INVS: variants seen among roughly 807,000 people sequenced by gnomAD.
INVS encodes the protein inversin.
In INVS, 86 loss-of-function variants were observed where a neutral mutation model predicts 108.8. The observed-to-expected ratio is 0.79, with a 90% CI of 0.66 to 0.95. The LOEUF (loss-of-function observed/expected upper bound fraction) is 0.95, where lower values mean the gene tolerates loss of function less well. Among genes scored for constraint, INVS ranks in the 40% least tolerant of loss-of-function variants. INVS has a pLI of 0.00. For missense variants in INVS, 1,169 were observed against 1,297.4 expected (o/e 0.90, Z 1.52); for synonymous variants, 455 against 473.5 (o/e 0.96, Z 0.51).
Position 100,301,405 on chromosome 9 carries a change from AGGATTCT to A in INVS, c.*733_*739del, listed in dbSNP as rs1833966691. ...TACCAACAGCCGTATTACAGTATCA[AGGATTCT>A]GTCAGGTAGGGTTTACAGACCAGAC... On this transcript the variant is annotated 3_prime_UTR_variant, in exon 17 of 17. Coordinates refer to ENST00000262457, the MANE Select transcript of INVS (RefSeq NM_014425.5). Among the ~76,000 whole-genome samples, 1 of 152,212 alleles carries A rather than the reference AGGATTCT, an allele frequency of 6.6e-6. No individual in the cohort carries two copies. Among genetic ancestry groups the A allele is most frequent in the Admixed American group, 6.5e-5 (1 of 15,290 alleles).
At chr9:100,270,901 G>A (rs1205744425) in intron 11 of INVS, among the ~76,000 whole-genome samples, 2 of 150,700 alleles carry the variant, frequency 1.3e-5, no homozygotes, top group East Asian at 3.9e-4. Flanking sequence ...TCCAGCCTGG[G>A]CAACAGAGTG....
At chr9:100,214,343 G>A in intron 3 of INVS, among the ~76,000 whole-genome samples, 1 of 152,106 alleles carries the variant, frequency 6.6e-6, no homozygotes, top group East Asian at 1.9e-4. Context: ...GATTACAGGG[G>A]CCAAAAAGCA....
At chr9:100,107,593 T>C (rs187844887) in intron 2 of INVS, among the ~76,000 whole-genome samples, 22 of 152,290 alleles carry the variant, frequency 1.4e-4, no homozygotes, top group Middle Eastern at 6.8e-3. Flanking sequence ...TTCTCCCTAT[T>C]CTCTGTCTGA....
chr9:100,249,811 A>G (rs1415624564), intron 8 of INVS, among the ~76,000 whole-genome samples: 1 of 151,388 alleles, frequency 6.6e-6, no homozygotes. Flanking sequence ...ACTTTATTTA[A>G]AAATAACCTT....
At chr9:100,135,397 G>T (rs1217012287) in intron 3 of INVS, among the ~76,000 whole-genome samples, 5 of 152,168 alleles carry the variant, frequency 3.3e-5, no homozygotes, top group Admixed American at 3.3e-4. Flanking sequence ...AAACATAGAC[G>T]TCTGGGCCCC....
chr9:100,217,927 A>G (rs1313181437), intron 3 of INVS, among the ~76,000 whole-genome samples: 1 of 152,178 alleles, frequency 6.6e-6, no homozygotes, highest in African/African-American at 2.4e-5. Context: ...CGACCTATAT[A>G]CTTCCTAGGG....
At chr9:100,173,703 T>G (rs906407051) in intron 3 of INVS, among the ~76,000 whole-genome samples, 2 of 152,136 alleles carry the variant, frequency 1.3e-5, no homozygotes, top group Non-Finnish European at 2.9e-5. Flanking sequence ...CACTCCAGCC[T>G]GGGAGACAGA....
chr9:100,129,561 CA>C, intron 3 of INVS: 1 of 495,526 alleles, frequency 2.0e-6, no homozygotes, highest in Non-Finnish European at 3.7e-6. Context: ...AAGAAACCAA[CA>C]AGACACTTTC....
chr9:100,135,768 C>A lies in INVS; in HGVS notation c.273+9219C>A, dbSNP rs149914543. 4.4e-3 allele frequency among the ~76,000 whole-genome samples: 668 copies of A among 152,128 alleles called. 4 individuals are homozygous for A. The highest frequency in any genetic ancestry group is 0.015 in the African/African-American group (642 of 41,522). ...TAGTATGAATTGTGATAGTTTGCAT[C>A]TCCAAAGTAAGGTCTTGGCTGGAGT... On this transcript the variant is annotated intron_variant, in intron 3 of 16. Coordinates refer to ENST00000262457, the MANE Select transcript of INVS (RefSeq NM_014425.5).
At chr9:100,210,745 A>C (rs1164612461) in intron 3 of INVS, among the ~76,000 whole-genome samples, 1 of 152,174 alleles carries the variant, frequency 6.6e-6, no homozygotes, top group East Asian at 1.9e-4. Context: ...ATACAGAGTA[A>C]TTACATCAAA....
intron 3 of INVS, among the ~76,000 whole-genome samples, chr9:100,150,675 T>A (rs908204516): frequency 3.9e-5 from 6 of 152,196 alleles, no homozygotes; most frequent in Non-Finnish European, 4.4e-5. Flanking sequence ...TTCCTCTTCT[T>A]GTTTTTTCTC....
intron 7 of INVS, among the ~76,000 whole-genome samples, 168 bp from the exon 8 acceptor site, chr9:100,246,448 C>T (rs547621574): frequency 9.2e-5 from 14 of 152,008 alleles, no homozygotes; most frequent in Non-Finnish European, 7.4e-5. Context: ...TTGTTATCTT[C>T]GATGGAAATT....
At chr9:100,249,791 G>A (rs1832167093) in intron 8 of INVS, among the ~76,000 whole-genome samples, 1 of 151,156 alleles carries the variant, frequency 6.6e-6, no homozygotes, top group Non-Finnish European at 1.5e-5. Context: ...ACCGCGCCTG[G>A]CCTGAATTTA....
At chr9:100,259,908 G>A (rs937696506) in intron 10 of INVS, among the ~76,000 whole-genome samples, 5 of 150,834 alleles carry the variant, frequency 3.3e-5, no homozygotes, top group African/African-American at 7.3e-5. Flanking sequence ...GTCTCGCTTC[G>A]TCACCCAGGC....
intron 3 of INVS, among the ~76,000 whole-genome samples, chr9:100,173,000 T>A (rs1829589678): frequency 6.6e-6 from 1 of 152,010 alleles, no homozygotes; most frequent in Non-Finnish European, 1.5e-5. Flanking sequence ...TAGTGGTCAG[T>A]GCAGGGCTAC....
chr9:100,175,669 T>C (rs945744320), intron 3 of INVS: 3 of 643,552 alleles, frequency 4.7e-6, no homozygotes, highest in Non-Finnish European at 8.8e-6. Context: ...TACCCCAGCC[T>C]CTATTCTTCC....
intron 3 of INVS, among the ~76,000 whole-genome samples, chr9:100,210,360 A>G (rs531940423): frequency 6.6e-6 from 1 of 152,312 alleles, no homozygotes. Context: ...AAGGAGTGGG[A>G]GTAAGATTTG....
intron 3 of INVS, among the ~76,000 whole-genome samples, chr9:100,188,982 T>C (rs894170673): frequency 2.0e-5 from 3 of 152,094 alleles, no homozygotes; most frequent in African/African-American, 7.2e-5. Flanking sequence ...TTTGTGTGCA[T>C]AGAGGTGTTC....
rs561979173 is a variant in INVS at position 100,257,200 on chromosome 9, A to C, written c.1464+4064A>C. Among the ~76,000 whole-genome samples the C allele has an allele frequency of 1.3e-3, 204 of 152,114 alleles. 1 individual carries two copies. The highest frequency in any genetic ancestry group is 4.7e-3 in the African/African-American group (194 of 41,506). ...GTCTCTTTTGATCTTTGTTGGTTTAAAGTCTGTTTTATCAGAGACTAGGAT... is the reference window on the plus strand; with the variant it reads ...GTCTCTTTTGATCTTTGTTGGTTTACAGTCTGTTTTATCAGAGACTAGGAT... On this transcript the variant is annotated intron_variant, in intron 10 of 16. Coordinates refer to ENST00000262457, the MANE Select transcript of INVS (RefSeq NM_014425.5).
Sources: gnomAD v4.1 joint callset for allele counts (sites outside exome capture counted in the v4.1 genomes callset) on GRCh38, gnomAD v4.1.1 for gene constraint, MANE v1.5 for transcripts, NCBI Gene and HGNC (gene_info 2026-07-23, HGNC 2026-07-21) for gene names.